The following SMYD3 variants were observed in gnomAD, a reference collection of about 807,000 sequenced individuals.
SMYD3 encodes SET and MYND domain containing 3, also known as histone-lysine N-methyltransferase SMYD3.
In SMYD3, 36 loss-of-function variants were observed where a neutral mutation model predicts 57.7. The ratio of observed to expected loss-of-function variants is 0.62; its 90% CI spans 0.48 to 0.82. The LOEUF (loss-of-function observed/expected upper bound fraction) is 0.82, where lower values mean the gene tolerates loss of function less well. Ranked by LOEUF, SMYD3 falls within the 40% of genes least tolerant of loss-of-function variation. The probability of loss-of-function intolerance (pLI) is 0.00; values close to 1 mark genes in which losing one functional copy is unlikely to be tolerated. For missense variants in SMYD3, 515 were observed against 538.8 expected (o/e 0.96, Z 0.44); for synonymous variants, 211 against 195.0 (o/e 1.08, Z -0.68).
Position 246,073,636 on chromosome 1 carries a change from G to A in SMYD3, c.532-143699C>T, listed in dbSNP as rs1308645789. ...GGAGGCTGAGGTGGAAAGATTGCTG[G>A]AGACCCGGAGGCAGAGGTTGCAGCA... On this transcript the variant is annotated intron_variant, in intron 5 of 11. Transcript: ENST00000490107. Among the ~76,000 whole-genome samples the A allele has an allele frequency of 7.2e-5, 11 of 152,250 alleles. No individual in the cohort carries two copies. The South Asian group carries it at 1.5e-3, about 20-fold the overall frequency.
chr1:246,430,692 C>G (rs2067284727), intron 1 of SMYD3, among the ~76,000 whole-genome samples: 1 of 152,092 alleles, frequency 6.6e-6, no homozygotes, highest in African/African-American at 2.4e-5. Context: ...ACAGAAAGAT[C>G]TAAGCTAAGA....
At chr1:246,434,497 A>T (rs1184451184) in intron 1 of SMYD3, among the ~76,000 whole-genome samples, 1 of 152,250 alleles carries the variant, frequency 6.6e-6, no homozygotes, top group African/African-American at 2.4e-5. Context: ...ATATATGAAT[A>T]GACACTTCTC....
chr1:246,042,763 T>A (rs930031817), intron 5 of SMYD3, among the ~76,000 whole-genome samples: 3 of 152,270 alleles, frequency 2.0e-5, no homozygotes, highest in South Asian at 2.1e-4. Context: ...AAAGCCTTTC[T>A]GAACCCATTC....
At position 246,446,121 on chromosome 1, in the gene SMYD3, C is replaced by A. The variant is rs75672943; in HGVS notation, c.164+60933G>T. 2.8e-3 allele frequency among the ~76,000 whole-genome samples: 423 copies of A among 152,226 alleles called. 5 individuals are homozygous for A. The highest frequency in any genetic ancestry group is 0.019 in the East Asian group (100 of 5,190). On this transcript the variant is annotated intron_variant, in intron 1 of 11. Transcript: ENST00000490107. The stretch of plus-strand genomic sequence containing the variant: ...ACCCTGGATGTAAACATATCAATTG[C>A]CTCTAAAATAAAGACCAAGTATTGA...
intron 9 of SMYD3, among the ~76,000 whole-genome samples, chr1:245,860,858 T>C (rs2148485274): frequency 6.6e-6 from 1 of 152,354 alleles, no homozygotes; most frequent in South Asian, 2.1e-4. Flanking sequence ...CTCTTACACA[T>C]TGCTAGACAT....
chr1:245,793,392 A>G (rs1286780331), intron 10 of SMYD3, among the ~76,000 whole-genome samples: 1 of 152,168 alleles, frequency 6.6e-6, no homozygotes, highest in Non-Finnish European at 1.5e-5. Context: ...GAGTGTAACA[A>G]CACTAATTTG....
At chr1:246,090,484 A>G (rs1284355581) in intron 5 of SMYD3, among the ~76,000 whole-genome samples, 4 of 150,016 alleles carry the variant, frequency 2.7e-5, no homozygotes, top group African/African-American at 9.8e-5. Flanking sequence ...TCCTCTCTCT[A>G]TAGAGAAAGA....
chr1:245,954,155 T>C (rs533078084), intron 5 of SMYD3, among the ~76,000 whole-genome samples: 92 of 152,348 alleles, frequency 6.0e-4, no homozygotes, highest in Admixed American at 1.4e-3. Flanking sequence ...TTAGGAAAAG[T>C]GTATTTCTCC....
At chr1:246,255,408 A>G (rs1246799998) in intron 5 of SMYD3, among the ~76,000 whole-genome samples, 1 of 151,486 alleles carries the variant, frequency 6.6e-6, no homozygotes, top group Admixed American at 6.6e-5. Context: ...TTTTGTGAAA[A>G]GCTTTCTCTG....
intron 5 of SMYD3, among the ~76,000 whole-genome samples, chr1:246,049,499 G>A (rs1035588550): frequency 6.6e-6 from 1 of 151,282 alleles, no homozygotes; most frequent in African/African-American, 2.4e-5. Flanking sequence ...TAGAGACGGG[G>A]TTTCACCGTG....
At chr1:246,475,726 C>T (rs1466846648) in intron 1 of SMYD3, among the ~76,000 whole-genome samples, 3 of 151,906 alleles carry the variant, frequency 2.0e-5, no homozygotes, top group East Asian at 2.0e-4. Flanking sequence ...GCAATCCTCC[C>T]GCCTCAGCCT....
intron 5 of SMYD3, among the ~76,000 whole-genome samples, chr1:246,106,982 T>C (rs949439096): frequency 2.0e-5 from 3 of 151,990 alleles, no homozygotes; most frequent in Admixed American, 1.3e-4. Flanking sequence ...AATACAAGAG[T>C]TGGGCATATA....
intron 1 of SMYD3, among the ~76,000 whole-genome samples, chr1:246,385,214 AC>A (rs2066454337): frequency 1.3e-5 from 2 of 152,202 alleles, no homozygotes; most frequent in Non-Finnish European, 2.9e-5. Flanking sequence ...CACAATACTT[AC>A]TTGAAAATTG....
At chr1:245,874,188 AAC>A (rs1332761099) in intron 8 of SMYD3, among the ~76,000 whole-genome samples, 1 of 152,270 alleles carries the variant, frequency 6.6e-6, no homozygotes, top group Non-Finnish European at 1.5e-5. Flanking sequence ...GACTGAAGAC[AAC>A]ACTCAACATG....
intron 5 of SMYD3, among the ~76,000 whole-genome samples, chr1:246,135,280 G>A (rs2061650267): frequency 6.6e-6 from 1 of 152,078 alleles, no homozygotes; most frequent in African/African-American, 2.4e-5. Flanking sequence ...TGGAGCATCA[G>A]ACACAGTACC....
intron 5 of SMYD3, among the ~76,000 whole-genome samples, chr1:246,233,059 T>C (rs2063443489): frequency 7.5e-6 from 1 of 132,806 alleles, no homozygotes; most frequent in African/African-American, 2.7e-5. Flanking sequence ...ACTCCTTCAA[T>C]TCACACTGTG....
At chr1:246,328,999 G>A (rs1029541358) in intron 4 of SMYD3, among the ~76,000 whole-genome samples, 1 of 152,038 alleles carries the variant, frequency 6.6e-6, no homozygotes, top group Admixed American at 6.6e-5. Flanking sequence ...TTTCATCCAT[G>A]TCCCTACAAA....
At chr1:245,821,460 C>T (rs1166525749) in intron 10 of SMYD3, among the ~76,000 whole-genome samples, 1 of 148,764 alleles carries the variant, frequency 6.7e-6, no homozygotes, top group African/African-American at 2.4e-5. Flanking sequence ...AAAACCTAGG[C>T]ATTACCATTC....
At chr1:245,990,146 T>C (rs188544314) in intron 5 of SMYD3, among the ~76,000 whole-genome samples, 1 of 152,346 alleles carries the variant, frequency 6.6e-6, no homozygotes, top group African/African-American at 2.4e-5. Context: ...CATGGCTCAC[T>C]GCAACCTTGA....
Sources: gnomAD v4.1 joint callset for allele counts (sites outside exome capture counted in the v4.1 genomes callset) on GRCh38, gnomAD v4.1.1 for gene constraint, MANE v1.5 for transcripts, NCBI Gene and HGNC (gene_info 2026-07-23, HGNC 2026-07-21) for gene names.